CERT1: variants seen among roughly 807,000 people sequenced by gnomAD.
CERT1 encodes ceramide transfer protein.
In CERT1, 31 loss-of-function variants were observed where a neutral mutation model predicts 87.9. That is an observed-to-expected ratio of 0.35 (90% CI 0.27 to 0.48). The LOEUF (loss-of-function observed/expected upper bound fraction) is 0.48. CERT1 is among the 20% of genes least tolerant of loss of function. CERT1 has a pLI of 0.99. For missense variants in CERT1, 487 were observed against 758.0 expected, an observed-to-expected ratio of 0.64 and a Z score of 4.20; for synonymous variants, 289 against 250.9, an observed-to-expected ratio of 1.15 and a Z score of -1.44.
intron 2 of CERT1, among the ~76,000 whole-genome samples, chr5:75,490,960 T>C (rs912492718): frequency 6.6e-6 from 1 of 152,292 alleles, no homozygotes; most frequent in Non-Finnish European, 1.5e-5. Flanking sequence ...TGACTCAAGG[T>C]GGTTCTTCTT....
At chr5:75,459,232 A>G (rs765866213) in intron 2 of CERT1, 51 bp from the exon 3 acceptor site, 24 of 1,145,226 alleles carry the variant, frequency 2.1e-5, no homozygotes, top group Non-Finnish European at 3.2e-5. Flanking sequence ...TATCCTTAGA[A>G]GTGTTACACC....
At chr5:75,393,552 C>T (rs1299272406) in intron 11 of CERT1, among the ~76,000 whole-genome samples, 1 of 122,836 alleles carries the variant, frequency 8.1e-6, no homozygotes, top group Non-Finnish European at 1.6e-5. Flanking sequence ...ATTGCTTGGG[C>T]CTAGGAGTTT....
chr5:75,495,258 T>G (rs1010115672), intron 2 of CERT1, among the ~76,000 whole-genome samples: 2 of 152,194 alleles, frequency 1.3e-5, no homozygotes, highest in Admixed American at 6.5e-5. Context: ...ATAATTTTCT[T>G]CCTTCAATAA....
intron 11 of CERT1, among the ~76,000 whole-genome samples, chr5:75,390,513 A>G (rs1398638186): frequency 6.6e-6 from 1 of 152,098 alleles, no homozygotes; most frequent in Admixed American, 6.5e-5. Context: ...TAATTATCAC[A>G]AATTGTCCTT....
chr5:75,486,618 T>G (rs1010693046), intron 2 of CERT1, among the ~76,000 whole-genome samples: 10 of 152,008 alleles, frequency 6.6e-5, no homozygotes, highest in African/African-American at 2.4e-4. Context: ...CCAAAACTAT[T>G]AGAACTGATA....
chr5:75,380,034 G>A (rs999758414), intron 16 of CERT1, among the ~76,000 whole-genome samples: 1 of 152,100 alleles, frequency 6.6e-6, no homozygotes, highest in African/African-American at 2.4e-5. Flanking sequence ...CACCACTTAA[G>A]GTTATTTAGG....
chr5:75,370,383 A>C (rs1761037634), intron 17 of CERT1: 1 of 152,210 alleles, frequency 6.6e-6, no homozygotes, highest in Non-Finnish European at 1.5e-5. Context: ...CGAGATTTAA[A>C]TAAATGAGAT....
intron 12 of CERT1, among the ~76,000 whole-genome samples, chr5:75,387,606 G>C (rs1761850190): frequency 6.6e-6 from 1 of 151,854 alleles, no homozygotes; most frequent in South Asian, 2.1e-4. Context: ...ACCCAGCGTA[G>C]TGGCGGGTGC....
chr5:75,455,732 T>C (rs981340784), intron 3 of CERT1, among the ~76,000 whole-genome samples: 1 of 152,122 alleles, frequency 6.6e-6, no homozygotes, highest in Non-Finnish European at 1.5e-5. Context: ...TTGCAGGAGG[T>C]TAGCTCATGG....
At chr5:75,477,987 T>TA (rs576865682) in intron 2 of CERT1, among the ~76,000 whole-genome samples, 3 of 151,872 alleles carry the variant, frequency 2.0e-5, no homozygotes, top group African/African-American at 4.8e-5. Context: ...ACTTAAAAGA[T>TA]AAAAAAAGGC....
downstream of CERT1, chr5:75,377,497 AAATT>A (rs1377954563): frequency 6.6e-6 from 1 of 152,262 alleles, no homozygotes; most frequent in South Asian, 2.1e-4. Context: ...CTGATTAAAT[AAATT>A]ATGTACATCT....
At chr5:75,431,586 AT>A (rs1763869956) in intron 3 of CERT1, among the ~76,000 whole-genome samples, 1 of 152,238 alleles carries the variant, frequency 6.6e-6, no homozygotes, top group African/African-American at 2.4e-5. Flanking sequence ...AATGTTGGAC[AT>A]AAATTATTAG....
At chr5:75,444,571 CAG>C (rs1764461934) in intron 3 of CERT1, among the ~76,000 whole-genome samples, 1 of 124,724 alleles carries the variant, frequency 8.0e-6, no homozygotes, top group East Asian at 2.4e-4. Context: ...TTTTTTGAGA[CAG>C]AGTCTCATTC....
At chr5:75,446,776 C>G (rs1374362686) in intron 3 of CERT1, among the ~76,000 whole-genome samples, 1 of 152,140 alleles carries the variant, frequency 6.6e-6, no homozygotes, top group Non-Finnish European at 1.5e-5. Flanking sequence ...TGAGCATGCA[C>G]AATCATCACT....
At chr5:75,508,200 T>C (rs1335301162) in intron 1 of CERT1, among the ~76,000 whole-genome samples, 1 of 152,244 alleles carries the variant, frequency 6.6e-6, no homozygotes, top group Non-Finnish European at 1.5e-5. Flanking sequence ...CCACACTTCA[T>C]AAGGCTAAAC....
At chr5:75,424,637 G>A (rs1763528138) in intron 5 of CERT1, among the ~76,000 whole-genome samples, 1 of 151,758 alleles carries the variant, frequency 6.6e-6, no homozygotes, top group East Asian at 1.9e-4. Context: ...GGGAGAAAAA[G>A]AGAAATGAGA....
intron 12 of CERT1, among the ~76,000 whole-genome samples, chr5:75,389,271 G>T (rs1399501611): frequency 6.6e-6 from 1 of 152,036 alleles, no homozygotes; most frequent in East Asian, 1.9e-4. Context: ...AAAACAAAAG[G>T]AAATATCCAA....
intron 7 of CERT1, among the ~76,000 whole-genome samples, chr5:75,414,896 C>T (rs1252663973): frequency 6.6e-6 from 1 of 152,050 alleles, no homozygotes; most frequent in Admixed American, 6.6e-5. Flanking sequence ...CAGGCACACA[C>T]CTGAATGAAA....
chr5:75,395,268 A>C (rs1466409190), intron 11 of CERT1, among the ~76,000 whole-genome samples: 1 of 152,190 alleles, frequency 6.6e-6, no homozygotes, highest in African/African-American at 2.4e-5. Flanking sequence ...CAATTTATGA[A>C]TCTAAATTCT....
Sources: allele counts gnomAD v4.1 joint callset (sites outside exome capture counted in the v4.1 genomes callset), GRCh38; gene constraint gnomAD v4.1.1; transcripts MANE v1.5; gene names NCBI Gene and HGNC (gene_info 2026-07-23, HGNC 2026-07-21).